The following SHQ1 variants were observed in gnomAD, a reference collection of about 807,000 sequenced individuals.
The protein encoded by SHQ1 is protein SHQ1 homolog.
Under a neutral mutation model 53.8 loss-of-function variants are expected in SHQ1, and 49 were observed. That is an observed-to-expected ratio of 0.91 (90% CI 0.72 to 1.16). The LOEUF is 1.16. Ranked by LOEUF, SHQ1 falls within the 50% of genes most tolerant of loss-of-function variation. SHQ1 has a pLI of 0.00. For synonymous variants in SHQ1, 243 were observed against 251.0 expected (o/e 0.97, Z 0.30); for missense variants, 738 against 683.1 (o/e 1.08, Z -0.90).
the SHQ1 span, among the ~76,000 whole-genome samples, chr3:72,727,461 A>T: frequency 2.0e-5 from 3 of 152,164 alleles, no homozygotes; most frequent in African/African-American, 7.2e-5. Flanking sequence ...GCTTCTAAAG[A>T]CAAAGGGGAG....
chr3:72,828,720 T>G (rs181238228), intron 5 of SHQ1, among the ~76,000 whole-genome samples: 8 of 151,892 alleles, frequency 5.3e-5, no homozygotes, highest in South Asian at 2.1e-4. Context: ...AAAAGCCGTG[T>G]GGTATAGGTG....
chr3:72,801,151 AATC>A (rs1418081407), intron 9 of SHQ1, among the ~76,000 whole-genome samples: 2 of 152,290 alleles, frequency 1.3e-5, no homozygotes, highest in African/African-American at 4.8e-5. Flanking sequence ...TAAAAAAAAA[AATC>A]TCTGTCTACA....
At chr3:72,811,667 T>C (rs1707127209) in intron 9 of SHQ1, among the ~76,000 whole-genome samples, 1 of 152,102 alleles carries the variant, frequency 6.6e-6, no homozygotes, top group Admixed American at 6.5e-5. Context: ...ATGATTTTCT[T>C]CCCCCATCCC....
intron 9 of SHQ1, among the ~76,000 whole-genome samples, chr3:72,810,257 G>A (rs1707077376): frequency 6.6e-6 from 1 of 152,140 alleles, no homozygotes; most frequent in Non-Finnish European, 1.5e-5. Context: ...TAAAGAGTTT[G>A]GATTAAACAG....
intron 9 of SHQ1, among the ~76,000 whole-genome samples, chr3:72,805,913 T>C (rs1706928075): frequency 6.6e-6 from 1 of 152,216 alleles, no homozygotes; most frequent in Non-Finnish European, 1.5e-5. Flanking sequence ...TTTATACAAA[T>C]GTAACCCAGA....
chr3:72,796,928 T>TAAAAAAAAA, intron 9 of SHQ1, among the ~76,000 whole-genome samples: 1 of 119,884 alleles, frequency 8.3e-6, no homozygotes, highest in African/African-American at 3.1e-5. Context: ...CCTATTTTCT[T>TAAAAAAAAA]AAAAAAAAAA....
intron 10 of SHQ1, among the ~76,000 whole-genome samples, chr3:72,770,842 A>G (rs183129162): frequency 3.3e-5 from 5 of 152,366 alleles, no homozygotes; most frequent in South Asian, 2.1e-4. Flanking sequence ...ATATAGGCAG[A>G]TAAGAGACGA....
At chr3:72,796,032 G>C (rs1282929205) in intron 9 of SHQ1, among the ~76,000 whole-genome samples, 4 of 150,340 alleles carry the variant, frequency 2.7e-5, no homozygotes, top group Non-Finnish European at 5.9e-5. Context: ...GACCCGGGGA[G>C]GCAGAGGTTG....
intron 1 of SHQ1, chr3:72,846,359 A>C (rs1708329029): frequency 2.0e-6 from 3 of 1,493,740 alleles, no homozygotes; most frequent in Non-Finnish European, 2.7e-6. Flanking sequence ...CGATAGCGCA[A>C]TCTTGGCTCA....
At chr3:72,820,282 G>GAATAACACAGAATAAACAGAATAA (rs1707438754) in intron 6 of SHQ1, among the ~76,000 whole-genome samples, 2 of 152,152 alleles carry the variant, frequency 1.3e-5, no homozygotes, top group Non-Finnish European at 2.9e-5. Context: ...CAATAACTGT[G>GAATAACACAGAATAAACAGAATAA]CACAGAAGAA....
At chr3:72,811,782 A>T (rs182261252) in intron 9 of SHQ1, among the ~76,000 whole-genome samples, 7 of 152,314 alleles carry the variant, frequency 4.6e-5, no homozygotes, top group Admixed American at 4.6e-4. Context: ...CAGTGAAGTC[A>T]CCTGGAGGTA....
At position 72,832,382 on chromosome 3, in the gene SHQ1, G is replaced by T. The variant is rs748639197; in HGVS notation, c.586C>A (p.Pro196Thr). ...CTCATTACTCACAGATAATGATCAG[G>T]ATCAAACTTGGCCAGCTCAGCGGCC... is the stretch of plus-strand genomic sequence containing the variant. ...RLAAELAKFD[P>T]DHYLADFFED... Residue 196 changes from proline (P) to threonine (T), a missense_variant, in exon 5 of 11, where the codon CCT becomes ACT. Pro to Thr is a conservative substitution (Grantham distance 38). Coordinates refer to ENST00000325599, the MANE Select transcript of SHQ1 (RefSeq NM_018130.3). 1.9e-6 allele frequency: 3 copies of T among 1,610,288 alleles called. No individual in the cohort carries two copies. The highest frequency in any genetic ancestry group is 3.3e-5 in the Admixed American group (2 of 59,892).
intron 9 of SHQ1, among the ~76,000 whole-genome samples, chr3:72,808,778 A>C (rs1707031840): frequency 6.6e-6 from 1 of 152,112 alleles, no homozygotes; most frequent in African/African-American, 2.4e-5. Flanking sequence ...ATCAGGACAG[A>C]ACTCTGACTC....
chr3:72,773,375 G>A (rs924324339), intron 10 of SHQ1: 2 of 495,976 alleles, frequency 4.0e-6, no homozygotes, highest in Non-Finnish European at 7.8e-6. Flanking sequence ...AGATGACACA[G>A]TACATCCCTC....
intron 4 of SHQ1, among the ~76,000 whole-genome samples, chr3:72,833,941 T>A (rs1363974355): frequency 6.6e-6 from 1 of 152,176 alleles, no homozygotes; most frequent in Non-Finnish European, 1.5e-5. Context: ...TCAAGGGAAA[T>A]AACTTAGAGA....
At chr3:72,830,210 T>C (rs1047867693) in intron 5 of SHQ1, among the ~76,000 whole-genome samples, 1 of 152,044 alleles carries the variant, frequency 6.6e-6, no homozygotes, top group East Asian at 1.9e-4. Flanking sequence ...CTTTGAAATG[T>C]ATAAATTTTT....
At chr3:72,763,317 T>C (rs1003668657) in intron 10 of SHQ1, among the ~76,000 whole-genome samples, 1 of 152,184 alleles carries the variant, frequency 6.6e-6, no homozygotes, top group African/African-American at 2.4e-5. Context: ...ATTCCTACAT[T>C]TCATCTGTGT....
In SHQ1 at chr3:72,848,251, G is replaced by T. The variant is rs760221165; in HGVS notation, c.90C>A (p.Asp30Glu). 12 of 1,614,070 alleles carry T rather than the reference G, an allele frequency of 7.4e-6. No individual in the cohort carries two copies. In the Admixed American group the frequency reaches 1.5e-4, roughly 20 times the overall value. The change falls in exon 1 of 11, where the codon GAC becomes GAA. Residue 30 changes from aspartate (D) to glutamate (E), a missense_variant. By Grantham distance (45) the Asp-to-Glu change is conservative. Coordinates refer to ENST00000325599, the MANE Select transcript of SHQ1 (RefSeq NM_018130.3). Reference protein sequence around the residue: ...RVPYARVSEFDVYFEGSDFKF... With the variant: ...RVPYARVSEFEVYFEGSDFKF... ...TGAAGTCAGACCCCTCGAAGTAGAC[G>T]TCGAACTCGGAGACCCGGGCGTAGG...
At chr3:72,831,139 G>A (rs1173384307) in intron 5 of SHQ1, among the ~76,000 whole-genome samples, 1 of 152,202 alleles carries the variant, frequency 6.6e-6, no homozygotes, top group African/African-American at 2.4e-5. Context: ...AGAAATAGCA[G>A]TGTAAATGGA....
Sources: allele counts gnomAD v4.1 joint callset (sites outside exome capture counted in the v4.1 genomes callset), GRCh38; gene constraint gnomAD v4.1.1; transcripts MANE v1.5; gene names NCBI Gene and HGNC (gene_info 2026-07-23, HGNC 2026-07-21).